The following KCNIP4 variants were observed in gnomAD, a reference collection of about 807,000 sequenced individuals.
KCNIP4 encodes potassium voltage-gated channel interacting protein 4, also known as Kv channel-interacting protein 4.
Under a neutral mutation model 34.0 loss-of-function variants are expected in KCNIP4, and 12 were observed. The observed-to-expected ratio is 0.35, with a 90% CI of 0.23 to 0.57. KCNIP4 has a LOEUF of 0.57. KCNIP4 is among the 20% of genes least tolerant of loss of function. The probability of loss-of-function intolerance (pLI) is 0.83; values close to 1 mark genes in which losing one functional copy is unlikely to be tolerated. For missense variants in KCNIP4, 238 were observed against 311.7 expected, an observed-to-expected ratio of 0.76 and a Z score of 1.78; for synonymous variants, 124 against 102.2, an observed-to-expected ratio of 1.21 and a Z score of -1.29.
intron 1 of KCNIP4, among the ~76,000 whole-genome samples, chr4:21,607,416 C>T (rs1441095876): frequency 6.6e-6 from 1 of 152,094 alleles, no homozygotes; most frequent in Non-Finnish European, 1.5e-5. Context: ...CGAATGCCTA[C>T]AAGCTTCAGA....
intron 1 of KCNIP4, among the ~76,000 whole-genome samples, chr4:21,441,496 T>A (rs959343022): frequency 6.6e-6 from 1 of 152,062 alleles, no homozygotes; most frequent in African/African-American, 2.4e-5. Context: ...AGAGTCCTAA[T>A]TTGTAGGACT....
In KCNIP4 at chr4:21,550,404, T is replaced by C. The variant is rs1738480585; in HGVS notation, c.61+398167A>G. On this transcript the variant is annotated intron_variant, in intron 1 of 8. Coordinates refer to ENST00000382152, the MANE Select transcript of KCNIP4 (RefSeq NM_025221.6). ...GAGCTCTTTTTCACCGAAGTCCCCA[T>C]GGTCACAACAAATTAGATTAGAGTG... 1.3e-5 allele frequency among the ~76,000 whole-genome samples: 2 copies of C among 152,124 alleles called. 1 individual carries two copies. Among genetic ancestry groups the C allele is most frequent in the South Asian group, 4.1e-4 (2 of 4,836 alleles).
At chr4:21,026,535 T>G (rs1188353077) in intron 1 of KCNIP4, among the ~76,000 whole-genome samples, 1 of 152,070 alleles carries the variant, frequency 6.6e-6, no homozygotes, top group African/African-American at 2.4e-5. Flanking sequence ...GTGCCTGTGA[T>G]CCCAACTACT....
At chr4:21,771,291 T>C (rs1464249172) in intron 1 of KCNIP4, among the ~76,000 whole-genome samples, 1 of 152,208 alleles carries the variant, frequency 6.6e-6, no homozygotes, top group Non-Finnish European at 1.5e-5. Flanking sequence ...TTCTGCTTCA[T>C]TGTTCTACAT....
At chr4:20,819,501 G>T (rs2149443248) in intron 3 of KCNIP4, among the ~76,000 whole-genome samples, 1 of 152,238 alleles carries the variant, frequency 6.6e-6, no homozygotes, top group African/African-American at 2.4e-5. Flanking sequence ...CTGAGACTTG[G>T]AATAATAAAA....
At chr4:21,546,550 A>G (rs1391814570) in intron 1 of KCNIP4, among the ~76,000 whole-genome samples, 2 of 152,116 alleles carry the variant, frequency 1.3e-5, no homozygotes, top group African/African-American at 4.8e-5. Context: ...TTTCTAGGAG[A>G]AGACATAACA....
chr4:21,749,008 A>C (rs1034506403), intron 1 of KCNIP4, among the ~76,000 whole-genome samples: 1 of 152,184 alleles, frequency 6.6e-6, no homozygotes, highest in Non-Finnish European at 1.5e-5. Flanking sequence ...ACTAGAATAA[A>C]TTACTCAATT....
At chr4:21,337,346 G>A (rs563934149) in intron 1 of KCNIP4, among the ~76,000 whole-genome samples, 3 of 152,206 alleles carry the variant, frequency 2.0e-5, no homozygotes, top group Admixed American at 6.5e-5. Context: ...TTAAAATGAT[G>A]CCATGAAACC....
At chr4:21,299,128 A>C (rs1292525656) in intron 1 of KCNIP4, among the ~76,000 whole-genome samples, 1 of 152,164 alleles carries the variant, frequency 6.6e-6, no homozygotes, top group Non-Finnish European at 1.5e-5. Flanking sequence ...AGATATAGCC[A>C]TACTATACTA....
At chr4:20,885,565 T>C (rs1725205389) in intron 1 of KCNIP4, among the ~76,000 whole-genome samples, 1 of 151,848 alleles carries the variant, frequency 6.6e-6, no homozygotes, top group Non-Finnish European at 1.5e-5. Context: ...GGAGTCTTAT[T>C]TGAGGAATAA....
intron 1 of KCNIP4, among the ~76,000 whole-genome samples, chr4:21,897,962 G>C (rs971799727): frequency 6.6e-6 from 1 of 152,052 alleles, no homozygotes; most frequent in African/African-American, 2.4e-5. Flanking sequence ...TTGGGGGAGG[G>C]AAAGTGCAGT....
intron 1 of KCNIP4, among the ~76,000 whole-genome samples, chr4:21,249,428 C>T (rs1760527285): frequency 1.3e-5 from 2 of 152,024 alleles, no homozygotes; most frequent in Admixed American, 6.6e-5. Context: ...AGGTTCTCTT[C>T]CTCTAACCTT....
intron 1 of KCNIP4, among the ~76,000 whole-genome samples, chr4:21,791,768 G>A (rs538142007): frequency 4.9e-4 from 75 of 152,056 alleles, no homozygotes; most frequent in Non-Finnish European, 8.4e-4. Context: ...TTGGGAGGCC[G>A]AGGTGGGCGG....
chr4:20,874,039 G>A (rs1190039571), intron 2 of KCNIP4, among the ~76,000 whole-genome samples: 3 of 152,118 alleles, frequency 2.0e-5, no homozygotes, highest in African/African-American at 4.8e-5. Context: ...TGTGATCATC[G>A]TAGTAGCAGG....
At chr4:21,557,048 A>C (rs1316294728) in intron 1 of KCNIP4, among the ~76,000 whole-genome samples, 1 of 152,072 alleles carries the variant, frequency 6.6e-6, no homozygotes, top group Non-Finnish European at 1.5e-5. Context: ...TGTAGGACTT[A>C]TCACTACCAT....
At position 20,814,304 on chromosome 4, in the gene KCNIP4, G is replaced by T. The variant is rs367948387; in HGVS notation, c.288+36239C>A. Among the ~76,000 whole-genome samples the T allele has an allele frequency of 5.9e-5, 9 of 152,230 alleles. No homozygotes were observed. The South Asian group carries it at 1.9e-3, about 32-fold the overall frequency. The stretch of plus-strand genomic sequence containing the variant: ...CACCTCACAGGATAGGCAGAGAATC[G>T]CTGTTTCACCCAAAGGCCCTCTCAT... On this transcript the variant is annotated intron_variant, in intron 3 of 8. Transcript: ENST00000382152.
intron 2 of KCNIP4, among the ~76,000 whole-genome samples, chr4:20,874,808 C>T (rs147671507): frequency 3.9e-5 from 6 of 151,912 alleles, no homozygotes; most frequent in African/African-American, 1.2e-4. Context: ...AGCCCATACA[C>T]GTGTAAGAAA....
At chr4:21,623,930 T>C (rs1745149539) in intron 1 of KCNIP4, among the ~76,000 whole-genome samples, 1 of 152,184 alleles carries the variant, frequency 6.6e-6, no homozygotes, top group Non-Finnish European at 1.5e-5. Context: ...ATTTGAATAA[T>C]AACCTTCCTT....
intron 1 of KCNIP4, among the ~76,000 whole-genome samples, chr4:21,859,882 A>T (rs151021385): frequency 3.6e-4 from 54 of 151,990 alleles, no homozygotes; most frequent in African/African-American, 1.3e-3. Flanking sequence ...ACAATTACAA[A>T]AACTAGCTGG....
Sources: allele counts gnomAD v4.1 joint callset (sites outside exome capture counted in the v4.1 genomes callset), GRCh38; gene constraint gnomAD v4.1.1; transcripts MANE v1.5; gene names NCBI Gene and HGNC (gene_info 2026-07-23, HGNC 2026-07-21).